The following KCNK13 variants were observed in gnomAD, a reference collection of about 807,000 sequenced individuals.
KCNK13 encodes potassium two pore domain channel subfamily K member 13.
KCNK13 carries 12 observed loss-of-function variants against 23.4 expected under a neutral mutation model. That is an observed-to-expected ratio of 0.51 (90% CI 0.33 to 0.83). KCNK13 has a LOEUF of 0.83. KCNK13 is among the 40% of genes least tolerant of loss of function. The pLI is 0.02. For synonymous variants in KCNK13, 231 were observed against 229.5 expected (o/e 1.01, Z -0.06); for missense variants, 463 against 556.3 (o/e 0.83, Z 1.69).
chr14:90,119,147 T>A (rs555459259), intron 1 of KCNK13, among the ~76,000 whole-genome samples: 31 of 151,970 alleles, frequency 2.0e-4, no homozygotes, highest in Admixed American at 2.0e-3. Flanking sequence ...GAATCAGTAA[T>A]AAATAGCCTA....
rs1362145535 is a variant in KCNK13, at chr14:90,105,043, A to G, written c.334+42504A>G. On this transcript the variant is annotated intron_variant, in intron 1 of 1. Coordinates refer to ENST00000282146, the MANE Select transcript of KCNK13 (RefSeq NM_022054.4). ...GACCTCCAGTGATCTTCACGCCTCA[A>G]CCTCCCAAAGTGCTAGGATTACAGG... is the stretch of plus-strand genomic sequence containing the variant. Among the ~76,000 whole-genome samples, 4 of 150,356 alleles carry G rather than the reference A, an allele frequency of 2.7e-5. No individual in the cohort carries two copies. In the East Asian group the frequency reaches 7.9e-4, roughly 30 times the overall value.
chr14:90,177,428 C>T (rs1890435410), intron 1 of KCNK13: 1 of 152,102 alleles, frequency 6.6e-6, no homozygotes. Context: ...GTGTATTTTT[C>T]CCCCCTTTTC....
chr14:90,136,813 C>G (rs1596793879), intron 1 of KCNK13, among the ~76,000 whole-genome samples: 1 of 152,040 alleles, frequency 6.6e-6, no homozygotes, highest in South Asian at 2.1e-4. Context: ...CCAGGTTGAA[C>G]CGAGAGGGTC....
At chr14:90,081,558 T>G (rs958843177) in intron 1 of KCNK13, among the ~76,000 whole-genome samples, 5 of 152,238 alleles carry the variant, frequency 3.3e-5, no homozygotes, top group African/African-American at 1.2e-4. Flanking sequence ...CTGATGGTTC[T>G]TCTTTAACAG....
chr14:90,158,058 ACTCCTGCTGGTGGTGCTTGGTCCCATGCC>A, intron 1 of KCNK13, among the ~76,000 whole-genome samples: 1 of 152,116 alleles, frequency 6.6e-6, no homozygotes, highest in East Asian at 1.9e-4. Context: ...GACCTTGGGA[ACTCCTGCTGGTGGTGCTTGGTCCCATGCC>A]CTGGACTGAG....
At chr14:90,157,719 T>TTTTTTTTTTTA (rs35709966) in intron 1 of KCNK13, among the ~76,000 whole-genome samples, 1 of 98,480 alleles carries the variant, frequency 1.0e-5, no homozygotes, top group Non-Finnish European at 2.5e-5. Context: ...TTTTTTTTTT[T>TTTTTTTTTTTA]CAGACAGAGT....
chr14:90,113,949 A>T (rs948321772), intron 1 of KCNK13, among the ~76,000 whole-genome samples: 1 of 152,118 alleles, frequency 6.6e-6, no homozygotes, highest in Non-Finnish European at 1.5e-5. Context: ...AGAAGAAGAA[A>T]AAAAAAGAAT....
intron 1 of KCNK13, among the ~76,000 whole-genome samples, chr14:90,155,260 C>T (rs759953568): frequency 1.4e-4 from 22 of 151,944 alleles, no homozygotes; most frequent in Non-Finnish European, 3.1e-4. Context: ...AGAGGTGCAG[C>T]GGGGGCCTGG....
At chr14:90,158,067 G>T (rs1333388146) in intron 1 of KCNK13, among the ~76,000 whole-genome samples, 1 of 152,204 alleles carries the variant, frequency 6.6e-6, no homozygotes, top group African/African-American at 2.4e-5. Context: ...AACTCCTGCT[G>T]GTGGTGCTTG....
intron 1 of KCNK13, among the ~76,000 whole-genome samples, chr14:90,083,848 A>T (rs1019244039): frequency 7.2e-5 from 11 of 152,210 alleles, no homozygotes; most frequent in Admixed American, 2.6e-4. Context: ...TTGCATGTGG[A>T]TATCCAGTTG....
Position 90,097,570 on chromosome 14 carries a change from A to G in KCNK13, c.334+35031A>G, listed in dbSNP as rs143045851. 1.7e-3 allele frequency among the ~76,000 whole-genome samples: 258 copies of G among 152,296 alleles called. 2 individuals are homozygous for G. The highest frequency in any genetic ancestry group is 5.8e-3 in the African/African-American group (242 of 41,566). ...TTTCAGCATGAATTTTGGTGGGGACATATTCAAACCATAGCCAAACAATAG... is the reference window on the plus strand; with the variant it reads ...TTTCAGCATGAATTTTGGTGGGGACGTATTCAAACCATAGCCAAACAATAG... On this transcript the variant is annotated intron_variant, in intron 1 of 1. Coordinates refer to ENST00000282146, the MANE Select transcript of KCNK13 (RefSeq NM_022054.4).
At chr14:90,156,327 G>T (rs963557937) in intron 1 of KCNK13, among the ~76,000 whole-genome samples, 4 of 152,158 alleles carry the variant, frequency 2.6e-5, no homozygotes, top group African/African-American at 9.7e-5. Flanking sequence ...GAGGGATGGG[G>T]TGCCCCAATA....
intron 1 of KCNK13, among the ~76,000 whole-genome samples, chr14:90,145,892 T>TG (rs1460663343): frequency 3.3e-5 from 5 of 150,664 alleles, no homozygotes; most frequent in Admixed American, 1.3e-4. Context: ...TCCCAAATAC[T>TG]GGGGGGGTGG....
chr14:90,085,319 T>C (rs981624096), intron 1 of KCNK13, among the ~76,000 whole-genome samples: 2 of 152,096 alleles, frequency 1.3e-5, no homozygotes, highest in Non-Finnish European at 2.9e-5. Context: ...AATATGTTGC[T>C]GCATTTGGTT....
chr14:90,163,644 C>G (rs1247947527), intron 1 of KCNK13, among the ~76,000 whole-genome samples: 1 of 152,180 alleles, frequency 6.6e-6, no homozygotes, highest in East Asian at 1.9e-4. Flanking sequence ...TTCACACTTG[C>G]TAGCTGAGTT....
chr14:90,102,210 C>G (rs971140902), intron 1 of KCNK13, among the ~76,000 whole-genome samples: 1 of 152,052 alleles, frequency 6.6e-6, no homozygotes, highest in Admixed American at 6.6e-5. Context: ...AAAAAGAAAT[C>G]CCCCCATTGA....
At chr14:90,150,634 T>TA (rs1890124735) in intron 1 of KCNK13, among the ~76,000 whole-genome samples, 1 of 152,174 alleles carries the variant, frequency 6.6e-6, no homozygotes, top group Admixed American at 6.5e-5. Context: ...GTGTACATGC[T>TA]AACAGGAACT....
rs189904655 is a variant in KCNK13 at position 90,076,406 on chromosome 14, C to T, written c.334+13867C>T. Among the ~76,000 whole-genome samples, 14 of 152,292 alleles carry T rather than the reference C, an allele frequency of 9.2e-5. No homozygotes were observed. In the East Asian group the frequency reaches 2.7e-3, roughly 29 times the overall value. On this transcript the variant is annotated intron_variant, in intron 1 of 1. Transcript: ENST00000282146. ...GCTCATAAAACAGAAATTGTAAGCA[C>T]TATCAAGACAGGAAGAGGGAAGGAA...
chr14:90,167,684 A>G (rs1349905773), intron 1 of KCNK13, among the ~76,000 whole-genome samples: 1 of 152,132 alleles, frequency 6.6e-6, no homozygotes, highest in Non-Finnish European at 1.5e-5. Context: ...CCACCAAGCT[A>G]GCAAACACCC....
Sources: allele counts gnomAD v4.1 joint callset (sites outside exome capture counted in the v4.1 genomes callset), GRCh38; gene constraint gnomAD v4.1.1; transcripts MANE v1.5; gene names NCBI Gene and HGNC (gene_info 2026-07-23, HGNC 2026-07-21).